The following EXOC2 variants were observed in gnomAD, a reference collection of about 807,000 sequenced individuals.
The protein encoded by EXOC2 is SEC5-like 1.
A neutral mutation model predicts 131.8 loss-of-function variants in EXOC2; 70 were observed. The ratio of observed to expected loss-of-function variants is 0.53; its 90% confidence interval spans 0.44 to 0.65. The LOEUF (loss-of-function observed/expected upper bound fraction) is 0.65, where lower values mean the gene tolerates loss of function less well. EXOC2 is among the 30% of genes least tolerant of loss of function. EXOC2 has a pLI of 0.00. For missense variants in EXOC2, 923 were observed against 1,108.6 expected, an observed-to-expected ratio of 0.83 and a Z score of 2.38; for synonymous variants, 411 against 398.4, an observed-to-expected ratio of 1.03 and a Z score of -0.38.
intron 23 of EXOC2, among the ~76,000 whole-genome samples, chr6:510,897 T>C (rs1581336453): frequency 6.6e-6 from 1 of 152,262 alleles, no homozygotes; most frequent in Admixed American, 6.5e-5. Flanking sequence ...ATTCATTCTA[T>C]ACATGCAGAT....
At chr6:620,508 T>C (rs1761233617) in intron 4 of EXOC2, among the ~76,000 whole-genome samples, 5 of 152,184 alleles carry the variant, frequency 3.3e-5, no homozygotes, top group Admixed American at 3.3e-4. Context: ...CAAGCCCAAC[T>C]CATAAGGTAT....
chr6:676,824 A>T (rs1485324451), intron 1 of EXOC2, among the ~76,000 whole-genome samples: 1 of 97,856 alleles, frequency 1.0e-5, no homozygotes, highest in Non-Finnish European at 2.4e-5. Flanking sequence ...TACGGAAAGG[A>T]CAGGTTCCTC....
intron 25 of EXOC2, 78 bp from the exon 26 acceptor site, chr6:491,264 C>T (rs1763417244): frequency 7.0e-7 from 1 of 1,423,428 alleles, no homozygotes; most frequent in Admixed American, 1.7e-5. Flanking sequence ...GGTTAAGGGT[C>T]TCCAGCCTGC....
intron 1 of EXOC2, among the ~76,000 whole-genome samples, chr6:653,547 T>A (rs549119113): frequency 1.3e-5 from 2 of 152,328 alleles, no homozygotes; most frequent in African/African-American, 4.8e-5. Flanking sequence ...TTCAATGCTA[T>A]GAAGGCTTAG....
At position 633,055 on chromosome 6, in the gene EXOC2, C is replaced by G. The variant is rs750463501; in HGVS notation, c.181G>C (p.Val61Leu). Residue 61 changes from valine to leucine, a missense_variant, in exon 3 of 28, where the codon GTA (valine) becomes CTA (leucine). Physicochemically the swap from Val to Leu is conservative, Grantham distance 32 (BLOSUM62 1). Coordinates refer to ENST00000230449, the MANE Select transcript of EXOC2 (RefSeq NM_018303.6). ...TTTTTGGCTTGTCCCACTCGACATACTATTTTACTTGCAGACATCCATTCT... is the reference window on the plus strand; with the variant it reads ...TTTTTGGCTTGTCCCACTCGACATAGTATTTTACTTGCAGACATCCATTCT... Reference protein sequence around the residue: ...TAEWMSASKIVCRVGQAKNDK... With the variant: ...TAEWMSASKILCRVGQAKNDK... The G allele has an allele frequency of 6.2e-7, 1 of 1,614,136 alleles. No individual in the cohort carries two copies. The highest frequency in any genetic ancestry group is 8.5e-7 in the Non-Finnish European group (1 of 1,180,024).
At chr6:595,518 G>C (rs1759761717) in intron 10 of EXOC2, among the ~76,000 whole-genome samples, 2 of 151,970 alleles carry the variant, frequency 1.3e-5, no homozygotes, top group South Asian at 4.1e-4. Flanking sequence ...TAAGATGACA[G>C]GAAAAATCGT....
At chr6:559,288 G>T (rs1436956615) in intron 17 of EXOC2, among the ~76,000 whole-genome samples, 1 of 152,212 alleles carries the variant, frequency 6.6e-6, no homozygotes, top group Non-Finnish European at 1.5e-5. Context: ...GTCATAGTGA[G>T]GCAGTGCTTG....
At chr6:488,027 G>A (rs1398461992) in intron 27 of EXOC2, among the ~76,000 whole-genome samples, 1 of 152,216 alleles carries the variant, frequency 6.6e-6, no homozygotes, top group Non-Finnish European at 1.5e-5. Context: ...GAGGATGGAA[G>A]TTAGAGAAGC....
intron 6 of EXOC2, among the ~76,000 whole-genome samples, chr6:615,182 G>T (rs75879596): frequency 0.021 from 2,567 of 121,080 alleles, 59 homozygotes; most frequent in African/African-American, 0.087. Flanking sequence ...TGTGGGTGTG[G>T]GTGTGTGTGT....
At chr6:593,377 GA>G (rs1759648946) in intron 10 of EXOC2, among the ~76,000 whole-genome samples, 1 of 152,252 alleles carries the variant, frequency 6.6e-6, no homozygotes. Context: ...AGGGCTAACC[GA>G]ACTGTGAAGA....
chr6:656,740 C>T (rs1763127555), intron 1 of EXOC2: 2 of 1,590,498 alleles, frequency 1.3e-6, no homozygotes, highest in East Asian at 4.5e-5. Flanking sequence ...GAGACACCTT[C>T]CATGCGAAAC....
chr6:504,321 GCAT>G (rs1209699573), intron 23 of EXOC2, among the ~76,000 whole-genome samples: 3 of 152,240 alleles, frequency 2.0e-5, no homozygotes, highest in Non-Finnish European at 2.9e-5. Context: ...GGCTCCGTGT[GCAT>G]CCGTTATGGA....
Position 552,065 on chromosome 6 carries a change from G to C in EXOC2, c.2121+1789C>G, listed in dbSNP as rs1251462949. 2.0e-5 allele frequency among the ~76,000 whole-genome samples: 3 copies of C among 152,330 alleles called. No homozygotes were observed. The East Asian group carries it at 5.8e-4, about 29-fold the overall frequency. ...GGCCAGCTGACTGCCTTCCCCTGCA[G>C]GCTTGCACCCAAGTGGGGACCATGA... On this transcript the variant is annotated intron_variant, in intron 21 of 27. Coordinates refer to ENST00000230449, the MANE Select transcript of EXOC2 (RefSeq NM_018303.6).
At chr6:642,072 G>A (rs890613271) in intron 1 of EXOC2, among the ~76,000 whole-genome samples, 1 of 148,578 alleles carries the variant, frequency 6.7e-6, no homozygotes, top group Non-Finnish European at 1.5e-5. Flanking sequence ...TTCCCCACAT[G>A]AGCCCATTCA....
At chr6:489,087 T>G in intron 26 of EXOC2, 49 bp from the exon 27 acceptor site, 1 of 1,570,732 alleles carries the variant, frequency 6.4e-7, no homozygotes, top group South Asian at 1.1e-5. Flanking sequence ...ACAGGAGAAC[T>G]GCTGACAAAT....
At chr6:543,322 G>A (rs1756660494) in intron 22 of EXOC2, among the ~76,000 whole-genome samples, 1 of 152,162 alleles carries the variant, frequency 6.6e-6, no homozygotes, top group Non-Finnish European at 1.5e-5. Context: ...CAACATGGAT[G>A]GTACTGGAGG....
intron 1 of EXOC2, among the ~76,000 whole-genome samples, chr6:659,959 G>A (rs1295689683): frequency 3.3e-5 from 5 of 150,772 alleles, no homozygotes; most frequent in Admixed American, 1.3e-4. Flanking sequence ...GGTAGCCTGG[G>A]GCAGATTTTC....
chr6:631,266 G>A (rs1180352587), intron 3 of EXOC2, among the ~76,000 whole-genome samples: 6 of 152,216 alleles, frequency 3.9e-5, no homozygotes, highest in African/African-American at 9.6e-5. Flanking sequence ...CTGGCCGGGT[G>A]CAGTAGCTCA....
At chr6:514,083 T>C (rs1028176730) in intron 23 of EXOC2, among the ~76,000 whole-genome samples, 2 of 152,234 alleles carry the variant, frequency 1.3e-5, no homozygotes, top group Non-Finnish European at 2.9e-5. Flanking sequence ...TTGACGGCTG[T>C]AGACAGTGTT....
Sources: allele counts gnomAD v4.1 joint callset (sites outside exome capture counted in the v4.1 genomes callset), GRCh38; gene constraint gnomAD v4.1.1; transcripts MANE v1.5; gene names NCBI Gene and HGNC (gene_info 2026-07-23, HGNC 2026-07-21).